GALNT17: variants seen among roughly 807,000 people sequenced by gnomAD.
GALNT17 encodes the protein polypeptide N-acetylgalactosaminyltransferase 17.
GALNT17 carries 29 observed loss-of-function variants against 63.7 expected under a neutral mutation model. The ratio of observed to expected loss-of-function variants is 0.46; its 90% CI spans 0.34 to 0.62. The LOEUF (loss-of-function observed/expected upper bound fraction) is 0.62. GALNT17 is among the 20% of genes least tolerant of loss of function. The pLI, the probability that GALNT17 is intolerant of heterozygous loss-of-function variation, is 0.01. For synonymous variants in GALNT17, 305 were observed against 318.3 expected, an observed-to-expected ratio of 0.96 and a Z score of 0.45; for missense variants, 603 against 799.6, an observed-to-expected ratio of 0.75 and a Z score of 2.97.
intron 6 of GALNT17, among the ~76,000 whole-genome samples, chr7:71,649,049 G>A (rs1314348018): frequency 6.6e-6 from 1 of 152,180 alleles, no homozygotes; most frequent in Non-Finnish European, 1.5e-5. Context: ...TGCAGGGATG[G>A]TTCTGCCCCC....
chr7:71,141,929 G>T (rs1306645048), intron 1 of GALNT17, among the ~76,000 whole-genome samples: 1 of 142,516 alleles, frequency 7.0e-6, no homozygotes, highest in East Asian at 2.1e-4. Flanking sequence ...GACCAGCCTG[G>T]TCTTGAACTC....
At chr7:71,401,109 T>C (rs1173980590) in intron 3 of GALNT17, among the ~76,000 whole-genome samples, 2 of 151,702 alleles carry the variant, frequency 1.3e-5, no homozygotes, top group Non-Finnish European at 2.9e-5. Context: ...TTTTTTTTTT[T>C]TTCTGAGACA....
intron 1 of GALNT17, among the ~76,000 whole-genome samples, chr7:71,212,687 G>T (rs1789404048): frequency 1.3e-5 from 2 of 152,160 alleles, no homozygotes; most frequent in South Asian, 4.1e-4. Context: ...CCACCTCTTG[G>T]CATCAGTGTG....
rs199749957 is a variant in GALNT17 at position 71,413,608 on chromosome 7, A to G, written c.590-2281A>G. ...AGGCTGGTCTCAAACTCCTGATCTC[A>G]GGTGATGCACCTGCCTTGGCCTCCC... is the stretch of plus-strand genomic sequence containing the variant. On this transcript the variant is annotated intron_variant, in intron 3 of 10. Transcript: ENST00000333538. Among the ~76,000 whole-genome samples the G allele has an allele frequency of 7.9e-5, 12 of 151,882 alleles. No individual in the cohort carries two copies. The East Asian group carries it at 2.4e-3, about 30-fold the overall frequency.
At chr7:71,140,282 G>A (rs912428945) in intron 1 of GALNT17, among the ~76,000 whole-genome samples, 3 of 152,164 alleles carry the variant, frequency 2.0e-5, no homozygotes, top group Non-Finnish European at 2.9e-5. Context: ...GGACAGGCGC[G>A]GGCCCTGGGT....
At chr7:71,557,938 G>A (rs1001857934) in intron 5 of GALNT17, among the ~76,000 whole-genome samples, 6 of 151,960 alleles carry the variant, frequency 3.9e-5, no homozygotes, top group East Asian at 1.9e-4. Context: ...GCCGAGCATC[G>A]TGGTGGGTGC....
intron 9 of GALNT17, 85 bp downstream of exon 9, chr7:71,677,391 G>A (rs991982991): frequency 1.3e-4 from 176 of 1,311,126 alleles, no homozygotes; most frequent in Middle Eastern, 1.9e-4. Context: ...GATAAACTTT[G>A]TTGCTGTCTA....
intron 1 of GALNT17, among the ~76,000 whole-genome samples, chr7:71,219,780 T>G (rs2116417187): frequency 6.6e-6 from 1 of 152,328 alleles, no homozygotes; most frequent in East Asian, 1.9e-4. Context: ...TCCTCATATT[T>G]TTATTTTCCT....
intron 6 of GALNT17, among the ~76,000 whole-genome samples, chr7:71,574,996 T>C (rs964767338): frequency 6.6e-6 from 1 of 152,122 alleles, no homozygotes; most frequent in African/African-American, 2.4e-5. Flanking sequence ...ACAGCCAGAG[T>C]CCTGTAGGCA....
chr7:71,204,935 G>A (rs928955240), intron 1 of GALNT17, among the ~76,000 whole-genome samples: 9 of 151,582 alleles, frequency 5.9e-5, no homozygotes, highest in African/African-American at 1.9e-4. Flanking sequence ...TAGTAGAGAC[G>A]GGGTTTCACC....
chr7:71,678,943 C>G (rs567666602), intron 9 of GALNT17, among the ~76,000 whole-genome samples: 6 of 130,092 alleles, frequency 4.6e-5, no homozygotes, highest in Non-Finnish European at 7.8e-5. Context: ...GGCGACAGAG[C>G]GAGACTCCAT....
intron 1 of GALNT17, among the ~76,000 whole-genome samples, chr7:71,265,829 A>G (rs753252849): frequency 3.3e-5 from 5 of 152,176 alleles, no homozygotes; most frequent in Non-Finnish European, 7.3e-5. Context: ...AAGGAACAGG[A>G]TGTATTAGTT....
chr7:71,414,793 C>T (rs879692171), intron 3 of GALNT17, among the ~76,000 whole-genome samples: 3 of 152,290 alleles, frequency 2.0e-5, no homozygotes, highest in South Asian at 4.1e-4. Flanking sequence ...CAGTCACAAG[C>T]CAACCCTGGT....
chr7:71,562,406 A>G (rs1284448618), intron 5 of GALNT17, among the ~76,000 whole-genome samples: 3 of 152,252 alleles, frequency 2.0e-5, no homozygotes, highest in Non-Finnish European at 4.4e-5. Flanking sequence ...GTAATATATA[A>G]TGAAATAGTT....
At chr7:71,527,566 T>C (rs1380989012) in intron 5 of GALNT17, among the ~76,000 whole-genome samples, 1 of 152,190 alleles carries the variant, frequency 6.6e-6, no homozygotes, top group Non-Finnish European at 1.5e-5. Context: ...CTTCAAGACT[T>C]GTGTAAACTT....
chr7:71,517,868 G>A (rs1788469594), intron 5 of GALNT17, among the ~76,000 whole-genome samples: 1 of 152,194 alleles, frequency 6.6e-6, no homozygotes, highest in African/African-American at 2.4e-5. Flanking sequence ...AAGTTATGCA[G>A]AAAGTTGGAT....
At chr7:71,606,253 C>G (rs1790046802) in intron 6 of GALNT17, among the ~76,000 whole-genome samples, 1 of 151,900 alleles carries the variant, frequency 6.6e-6, no homozygotes, top group African/African-American at 2.4e-5. Flanking sequence ...CTGCGCCCAA[C>G]CACTTACCCA....
chr7:71,387,811 TATGCCTGGGACTG>T (rs906005953), intron 2 of GALNT17, among the ~76,000 whole-genome samples: 5 of 151,974 alleles, frequency 3.3e-5, no homozygotes, highest in Non-Finnish European at 5.9e-5. Flanking sequence ...CAGGTAGACA[TATGCCTGGGACTG>T]ATGCCTGGGA....
In GALNT17 at chr7:71,575,452, C is replaced by G. The variant is rs909942606; in HGVS notation, c.1080+4050C>G. 3.3e-4 allele frequency among the ~76,000 whole-genome samples: 50 copies of G among 151,214 alleles called. 1 individual carries two copies. The highest frequency in any genetic ancestry group is 1.0e-3 in the South Asian group (5 of 4,790). ...TCGCTGAGGCTGGAATGCAGTGACG[C>G]GATCTTGGCTCACTGCAGGCTCCGC... On this transcript the variant is annotated intron_variant, in intron 6 of 10. Coordinates refer to ENST00000333538, the MANE Select transcript of GALNT17 (RefSeq NM_022479.3).
Sources: gnomAD v4.1 joint callset for allele counts (sites outside exome capture counted in the v4.1 genomes callset) on GRCh38, gnomAD v4.1.1 for gene constraint, MANE v1.5 for transcripts, NCBI Gene and HGNC (gene_info 2026-07-23, HGNC 2026-07-21) for gene names.